RABEP1: variants seen among roughly 807,000 people sequenced by gnomAD.
The protein encoded by RABEP1 is rabaptin, RAB GTPase binding effector protein 1.
RABEP1 carries 51 observed loss-of-function variants against 123.4 expected under a neutral mutation model. The observed-to-expected ratio is 0.41, with a 90% CI of 0.33 to 0.52. The LOEUF is 0.52. RABEP1 is among the 20% of genes least tolerant of loss of function. The pLI is 0.16. For missense variants in RABEP1, 888 were observed against 996.3 expected (o/e 0.89, Z 1.46); for synonymous variants, 347 against 355.2 (o/e 0.98, Z 0.26).
intron 12 of RABEP1, among the ~76,000 whole-genome samples, chr17:5,372,041 C>T (rs897572721): frequency 1.4e-4 from 21 of 152,036 alleles, no homozygotes; most frequent in Admixed American, 1.1e-3. Flanking sequence ...AGAGCTTTAT[C>T]TGATACTCGG....
intron 1 of RABEP1, among the ~76,000 whole-genome samples, chr17:5,303,698 T>G (rs2075155704): frequency 6.6e-6 from 1 of 152,232 alleles, no homozygotes; most frequent in Non-Finnish European, 1.5e-5. Flanking sequence ...AAAAAGGTTT[T>G]GGTCGTAGTA....
chr17:5,374,613 G>A (rs1910829379), intron 13 of RABEP1, among the ~76,000 whole-genome samples: 1 of 149,290 alleles, frequency 6.7e-6, no homozygotes, highest in African/African-American at 2.5e-5. Context: ...ATTTGTTTCT[G>A]TATTTTTATT....
At chr17:5,346,414 C>T (rs1211385136) in intron 5 of RABEP1, among the ~76,000 whole-genome samples, 2 of 152,050 alleles carry the variant, frequency 1.3e-5, no homozygotes, top group Non-Finnish European at 2.9e-5. Context: ...TCGTTTTTGT[C>T]CTTAGAAATT....
intron 8 of RABEP1, among the ~76,000 whole-genome samples, chr17:5,356,126 A>G (rs921845653): frequency 2.0e-5 from 3 of 152,220 alleles, no homozygotes; most frequent in African/African-American, 7.2e-5. Context: ...ATTGAGAATA[A>G]TGACACAACT....
At chr17:5,305,269 A>G (rs2075169930) in intron 1 of RABEP1, among the ~76,000 whole-genome samples, 1 of 152,170 alleles carries the variant, frequency 6.6e-6, no homozygotes, top group African/African-American at 2.4e-5. Flanking sequence ...GAGGTGGATG[A>G]TCACTTCTTA....
In RABEP1 at chr17:5,332,008, C is replaced by T. The variant is rs1475920767; in HGVS notation, c.223C>T (p.Arg75Ter). The T allele has an allele frequency of 6.2e-7, 1 of 1,613,970 alleles. No homozygotes were observed. The highest frequency in any genetic ancestry group is 8.5e-7 in the Non-Finnish European group (1 of 1,179,964). The change falls in exon 3 of 18, where the codon CGA (arginine) becomes TGA (stop). Residue 75 changes from arginine to a stop codon, truncating the protein, a stop_gained. Coordinates refer to ENST00000537505, the MANE Select transcript of RABEP1 (RefSeq NM_004703.6). LOFTEE classifies it high-confidence loss of function. ...QAAQDDLGHL[R>*]TQLWEAQAEM... The stretch of plus-strand genomic sequence containing the variant: ...TGCACAAGATGATTTGGGACACCTT[C>T]GAACCCAGCTGTGGGAAGCTCAAGC...
At chr17:5,313,216 C>T (rs2075262328) in intron 2 of RABEP1, among the ~76,000 whole-genome samples, 1 of 152,196 alleles carries the variant, frequency 6.6e-6, no homozygotes, top group South Asian at 2.1e-4. Flanking sequence ...ACTGTCAACT[C>T]TGAAATGCTA....
intron 1 of RABEP1, among the ~76,000 whole-genome samples, chr17:5,288,253 G>T (rs1258653818): frequency 6.6e-6 from 1 of 152,090 alleles, no homozygotes; most frequent in African/African-American, 2.4e-5. Flanking sequence ...GATGCAGAAC[G>T]AGTAACATAA....
chr17:5,365,798 G>A (rs1049265264), intron 11 of RABEP1, among the ~76,000 whole-genome samples: 4 of 152,152 alleles, frequency 2.6e-5, no homozygotes, highest in South Asian at 2.1e-4. Flanking sequence ...GTTCTTTTGC[G>A]TCTGTGTTCC....
At position 5,301,351 on chromosome 17, in the gene RABEP1, T is replaced by G. The variant is rs377620754; in HGVS notation, c.35-7343T>G. On this transcript the variant is annotated intron_variant, in intron 1 of 17. Coordinates refer to ENST00000537505, the MANE Select transcript of RABEP1 (RefSeq NM_004703.6). ...CCTGCATTCTGGTTTTAAGGGAGATTGGGGATTTGTATTTGACTTCTATTT... is the reference window on the plus strand; with the variant it reads ...CCTGCATTCTGGTTTTAAGGGAGATGGGGGATTTGTATTTGACTTCTATTT... Among the ~76,000 whole-genome samples, 270 of 152,252 alleles carry G rather than the reference T, an allele frequency of 1.8e-3. 1 individual carries two copies. Among genetic ancestry groups the G allele is most frequent in the South Asian group, 5.2e-3 (25 of 4,824 alleles).
At chr17:5,295,687 A>T (rs2075076911) in intron 1 of RABEP1, among the ~76,000 whole-genome samples, 1 of 152,170 alleles carries the variant, frequency 6.6e-6, no homozygotes, top group African/African-American at 2.4e-5. Context: ...ACCAACTGGA[A>T]AGCCAACCCC....
chr17:5,290,592 A>C (rs75139654), intron 1 of RABEP1, among the ~76,000 whole-genome samples: 2,481 of 152,158 alleles, frequency 0.016, 27 homozygotes, highest in Non-Finnish European at 0.024. Context: ...TTAAATAATA[A>C]TATTTATTAT....
intron 2 of RABEP1, among the ~76,000 whole-genome samples, chr17:5,328,822 G>A (rs1906228118): frequency 6.6e-6 from 1 of 150,990 alleles, no homozygotes. Context: ...GCAGTGGCAG[G>A]CGCCTGTAAT....
chr17:5,302,454 T>C (rs2144502579), intron 1 of RABEP1, among the ~76,000 whole-genome samples: 1 of 152,102 alleles, frequency 6.6e-6, no homozygotes, highest in Admixed American at 6.6e-5. Context: ...TTAGCCAGGC[T>C]GGTCTCGAAC....
intron 12 of RABEP1, among the ~76,000 whole-genome samples, chr17:5,369,814 C>T (rs1910383014): frequency 6.6e-6 from 1 of 152,036 alleles, no homozygotes; most frequent in Non-Finnish European, 1.5e-5. Context: ...GATTCTCCTG[C>T]CTCAGCCTCC....
At chr17:5,283,796 A>G (rs1015888455) in intron 1 of RABEP1, 2 of 152,070 alleles carry the variant, frequency 1.3e-5, no homozygotes, top group African/African-American at 4.8e-5. Flanking sequence ...GTTAGCCTGT[A>G]GTTTTGGGTG....
In RABEP1 at chr17:5,361,513, G is replaced by A; in HGVS notation, c.1401G>A (p.Met467Ile). ...LGSLQMPSGF[M>I]LTKDQERAIK... is the part of the protein sequence containing the mutation. ...CACTCCAGATGCCAAGTGGGTTTATGTTAACCAAAGATCAGGAAAGAGCAA... is the reference window on the plus strand; with the variant it reads ...CACTCCAGATGCCAAGTGGGTTTATATTAACCAAAGATCAGGAAAGAGCAA... The change falls in exon 9 of 18, where the codon ATG becomes ATA. Residue 467 changes from methionine (M) to isoleucine (I), a missense_variant. Physicochemically the swap from Met to Ile is conservative, Grantham distance 10 (BLOSUM62 1). Coordinates refer to ENST00000537505, the MANE Select transcript of RABEP1 (RefSeq NM_004703.6). 6.2e-7 allele frequency: 1 copy of A among 1,614,160 alleles called. No homozygotes were observed. The highest frequency in any genetic ancestry group is 8.5e-7 in the Non-Finnish European group (1 of 1,180,030).
At position 5,311,747 on chromosome 17, in the gene RABEP1, A is replaced by C. The variant is rs954916293; in HGVS notation, c.163+2925A>C. ...AGACTAAAAAATAGGAAAATATAAA[A>C]ATCATTGGAAATGCAGCTCTTTTGA... is the stretch of plus-strand genomic sequence containing the variant. On this transcript the variant is annotated intron_variant, in intron 2 of 17. Coordinates refer to ENST00000537505, the MANE Select transcript of RABEP1 (RefSeq NM_004703.6). Among the ~76,000 whole-genome samples the C allele has an allele frequency of 5.9e-5, 9 of 151,944 alleles. No homozygotes were observed. In the Middle Eastern group the frequency reaches 0.017, roughly 287 times the overall value.
chr17:5,308,099 C>G (rs1419134830), intron 1 of RABEP1, among the ~76,000 whole-genome samples: 3 of 152,142 alleles, frequency 2.0e-5, no homozygotes, highest in African/African-American at 7.2e-5. Flanking sequence ...AATTGCTATT[C>G]AGTTGCACAA....
Sources: allele counts gnomAD v4.1 joint callset (sites outside exome capture counted in the v4.1 genomes callset), GRCh38; gene constraint gnomAD v4.1.1; transcripts MANE v1.5; gene names NCBI Gene and HGNC (gene_info 2026-07-23, HGNC 2026-07-21).